The following NTN1 variants were observed in gnomAD, a reference collection of about 807,000 sequenced individuals.
NTN1 encodes the protein netrin-1.
NTN1 carries 11 observed loss-of-function variants against 54.2 expected under a neutral mutation model. The observed-to-expected ratio is 0.20, with a 90% confidence interval of 0.13 to 0.34. The LOEUF (loss-of-function observed/expected upper bound fraction) is 0.34, where lower values mean the gene tolerates loss of function less well. Among genes scored for constraint, NTN1 ranks in the 10% least tolerant of loss-of-function variants. The pLI is 1.00. For synonymous variants in NTN1, 371 were observed against 382.0 expected, an observed-to-expected ratio of 0.97 and a Z score of 0.33; for missense variants, 740 against 893.1, an observed-to-expected ratio of 0.83 and a Z score of 2.18.
intron 2 of NTN1, among the ~76,000 whole-genome samples, chr17:9,099,298 C>T (rs567878945): frequency 1.7e-3 from 257 of 152,066 alleles, no homozygotes; most frequent in African/African-American, 5.2e-3. Flanking sequence ...CCAGCAACTC[C>T]GGAGGCTGAG....
intron 5 of NTN1, among the ~76,000 whole-genome samples, chr17:9,188,682 G>A (rs1309666641): frequency 6.6e-6 from 1 of 152,136 alleles, no homozygotes; most frequent in African/African-American, 2.4e-5. Flanking sequence ...CAGCCCTTTA[G>A]CTGTGGGTGT....
intron 2 of NTN1, among the ~76,000 whole-genome samples, chr17:9,075,249 G>A (rs1032259634): frequency 6.6e-6 from 1 of 152,226 alleles, no homozygotes; most frequent in Non-Finnish European, 1.5e-5. Context: ...GGGAGGCCGA[G>A]GCGGGTGGAA....
chr17:9,043,804 T>A (rs1381749465), intron 2 of NTN1, among the ~76,000 whole-genome samples: 1 of 152,064 alleles, frequency 6.6e-6, no homozygotes, highest in African/African-American at 2.4e-5. Flanking sequence ...GGTCTCAAAC[T>A]CCGGACCTCA....
At chr17:9,180,304 G>A (rs1247379308) in intron 4 of NTN1, among the ~76,000 whole-genome samples, 2 of 152,228 alleles carry the variant, frequency 1.3e-5, no homozygotes, top group Non-Finnish European at 2.9e-5. Flanking sequence ...CTCCCAAAGC[G>A]CTGGGATTAG....
At chr17:9,140,750 T>G (rs1467968045) in intron 2 of NTN1, among the ~76,000 whole-genome samples, 1 of 152,198 alleles carries the variant, frequency 6.6e-6, no homozygotes, top group Non-Finnish European at 1.5e-5. Flanking sequence ...TTCTGACCTT[T>G]GTCCTGCACA....
chr17:9,158,227 T>G (rs1348589755), intron 2 of NTN1, among the ~76,000 whole-genome samples: 1 of 152,180 alleles, frequency 6.6e-6, no homozygotes. Flanking sequence ...ACCAGTTGTT[T>G]AGGAAGAACC....
In NTN1 at chr17:9,239,251, C is replaced by T. The variant is rs1024002760; in HGVS notation, c.1487-389C>T. ...AAAGTGACTTGGGCCTTTGGAGAAG[C>T]GCACCCCTGAGGAACCTCCCTCTCC... is the stretch of plus-strand genomic sequence containing the variant. On this transcript the variant is annotated intron_variant, in intron 6 of 6. Transcript: ENST00000173229. The surrounding 1 kb of genome is among the most constrained non-coding windows in gnomAD (Gnocchi z 5.2). 4.6e-5 allele frequency among the ~76,000 whole-genome samples: 7 copies of T among 152,134 alleles called. No homozygotes were observed. The highest frequency in any genetic ancestry group is 2.6e-4 in the Admixed American group (4 of 15,286).
In NTN1 at chr17:9,239,959, G is replaced by C; in HGVS notation, c.1806G>C (p.Lys602Asn). 4 of 996,976 alleles carry C rather than the reference G, an allele frequency of 4.0e-6. No homozygotes were observed. Among genetic ancestry groups the C allele is most frequent in the Non-Finnish European group, 5.6e-6 (4 of 708,636 alleles). 61.8% of individuals were successfully genotyped at this position (996,976 alleles called of 1,614,324 possible). The change falls in exon 7 of 7, where the codon AAG becomes AAC. Residue 602 changes from lysine (K) to asparagine (N), a missense_variant. Transcript: ENST00000173229. This position sits in a 1 kb window ranked among gnomAD's most constrained non-coding sequence, Gnocchi z 5.2. Reference sequence around the variant, plus strand: ...AGCGTGAGAAGAAGGGCAAGTGCAAGAAGGCCTAGCGCCGAGGCAGCGGGC... The same window carrying C: ...AGCGTGAGAAGAAGGGCAAGTGCAACAAGGCCTAGCGCCGAGGCAGCGGGC... The part of the protein sequence containing the change: ...FQQREKKGKC[K>N]KA
intron 4 of NTN1, among the ~76,000 whole-genome samples, chr17:9,180,158 T>C (rs9914855): frequency 0.35 from 53,923 of 152,176 alleles, 9,972 homozygotes; most frequent in Middle Eastern, 0.49. Context: ...CCTGCCTCAG[T>C]CTTCCAAGTA....
chr17:9,125,479 AG>A (rs1490105657), intron 2 of NTN1, among the ~76,000 whole-genome samples: 4 of 151,988 alleles, frequency 2.6e-5, no homozygotes, highest in Non-Finnish European at 5.9e-5. Context: ...CCGTCTTCCT[AG>A]GCCTCCCAAA....
intron 5 of NTN1, among the ~76,000 whole-genome samples, chr17:9,214,666 C>CA (rs1338981489): frequency 2.0e-5 from 3 of 152,060 alleles, no homozygotes; most frequent in Non-Finnish European, 4.4e-5. Context: ...ACTAAAAATA[C>CA]AAAAAATTAG....
chr17:9,208,486 G>A (rs572571860), intron 5 of NTN1, among the ~76,000 whole-genome samples: 1 of 152,164 alleles, frequency 6.6e-6, no homozygotes, highest in Non-Finnish European at 1.5e-5. Context: ...ACCAAGGTCC[G>A]ATTTGCCAGG....
intron 2 of NTN1, among the ~76,000 whole-genome samples, chr17:9,030,839 G>A (rs766234379): frequency 4.6e-5 from 7 of 152,160 alleles, no homozygotes; most frequent in Non-Finnish European, 8.8e-5. Flanking sequence ...AATTTGTTGG[G>A]TGAGAACTTT....
chr17:9,038,169 A>G (rs889416039), intron 2 of NTN1, among the ~76,000 whole-genome samples: 8 of 151,254 alleles, frequency 5.3e-5, no homozygotes, highest in South Asian at 4.2e-4. Flanking sequence ...GGACTATTCT[A>G]TTTATACTGC....
At chr17:9,061,699 ATTTTG>A (rs879370303) in intron 2 of NTN1, among the ~76,000 whole-genome samples, 2 of 151,076 alleles carry the variant, frequency 1.3e-5, no homozygotes, top group Non-Finnish European at 3.0e-5. Flanking sequence ...TTTTTGTTTT[ATTTTG>A]TTTTGTTTTG....
intron 2 of NTN1, among the ~76,000 whole-genome samples, chr17:9,051,937 T>G (rs1429318305): frequency 6.6e-6 from 1 of 151,628 alleles, no homozygotes; most frequent in Non-Finnish European, 1.5e-5. Flanking sequence ...CAGTTGAGTC[T>G]CCCATGTGAC....
chr17:9,193,648 C>T (rs771079424), intron 5 of NTN1, among the ~76,000 whole-genome samples: 11 of 152,184 alleles, frequency 7.2e-5, no homozygotes, highest in Non-Finnish European at 1.3e-4. Flanking sequence ...TGCGGCTGGG[C>T]ACGGTGGCTC....
At chr17:9,043,677 A>G (rs1450080716) in intron 2 of NTN1, among the ~76,000 whole-genome samples, 3 of 151,650 alleles carry the variant, frequency 2.0e-5, no homozygotes, top group African/African-American at 7.3e-5. Context: ...CCCGGGTTCA[A>G]GCAATTCTTT....
At chr17:9,025,803 T>A (rs1310817972) in intron 2 of NTN1, among the ~76,000 whole-genome samples, 1 of 152,220 alleles carries the variant, frequency 6.6e-6, no homozygotes, top group East Asian at 1.9e-4. Flanking sequence ...AGTGGAGATA[T>A]GTGAATGAAT....
Sources: allele counts gnomAD v4.1 joint callset (sites outside exome capture counted in the v4.1 genomes callset), GRCh38; gene constraint gnomAD v4.1.1; non-coding constraint Gnocchi (gnomAD v3.1); transcripts MANE v1.5; gene names NCBI Gene and HGNC (gene_info 2026-07-23, HGNC 2026-07-21).